Variants in MTUS2 observed in about 807,000 individuals in gnomAD.
MTUS2 encodes the protein microtubule associated scaffold protein 2.
MTUS2 carries 40 observed loss-of-function variants against 114.1 expected under a neutral mutation model. That is an observed-to-expected ratio of 0.35 (90% CI 0.27 to 0.46). The LOEUF (loss-of-function observed/expected upper bound fraction) is 0.46, where lower values mean the gene tolerates loss of function less well. MTUS2 is among the 20% of genes least tolerant of loss of function. MTUS2 has a pLI of 1.00. For missense variants in MTUS2, 1,679 were observed against 1,705.4 expected, an observed-to-expected ratio of 0.98 and a Z score of 0.27; for synonymous variants, 688 against 672.0, an observed-to-expected ratio of 1.02 and a Z score of -0.37.
chr13:29,502,977 C>T lies in MTUS2; in HGVS notation c.3897-16C>T. 1 of 1,612,564 alleles carries T rather than the reference C, an allele frequency of 6.2e-7. No homozygotes were observed. Among genetic ancestry groups the T allele is most frequent in the African/African-American group, 1.3e-5 (1 of 75,036 alleles). On this transcript the variant is annotated splice_polypyrimidine_tract_variant and intron_variant, in intron 15 of 15. Transcript: ENST00000612955. Reference sequence around the variant, plus strand: ...ACTAGCATGATTGCTACTTATTTGTCATTGTGCCCATGCAGACAGCTGTCG... The same window carrying T: ...ACTAGCATGATTGCTACTTATTTGTTATTGTGCCCATGCAGACAGCTGTCG...
chr13:29,487,853 T>C (rs1158082914), intron 10 of MTUS2, 47 bp from the exon 11 acceptor site: 11 of 1,442,118 alleles, frequency 7.6e-6, no homozygotes, highest in Non-Finnish European at 1.1e-5. Flanking sequence ...CCACTTCTGT[T>C]CTCCAAGCAG....
intron 5 of MTUS2, among the ~76,000 whole-genome samples, chr13:29,113,452 T>C (rs938891262): frequency 3.9e-5 from 6 of 152,252 alleles, no homozygotes; most frequent in African/African-American, 1.2e-4. Context: ...CCTGTCTCTT[T>C]AGATCAGCTG....
intron 9 of MTUS2, among the ~76,000 whole-genome samples, chr13:29,440,993 G>A (rs1246966563): frequency 6.6e-6 from 1 of 152,168 alleles, no homozygotes; most frequent in Admixed American, 6.5e-5. Flanking sequence ...TTGTTAAAAT[G>A]TTTTCTTTTT....
intron 5 of MTUS2, among the ~76,000 whole-genome samples, chr13:29,205,769 A>T (rs1383501648): frequency 6.6e-6 from 1 of 152,256 alleles, no homozygotes; most frequent in African/African-American, 2.4e-5. Flanking sequence ...TTAGCATTCC[A>T]TAGTATGTTT....
intron 5 of MTUS2, among the ~76,000 whole-genome samples, chr13:29,213,826 T>G (rs1404505735): frequency 1.3e-5 from 2 of 152,200 alleles, no homozygotes; most frequent in Non-Finnish European, 2.9e-5. Context: ...TGATTTAATT[T>G]AGTTTAAATC....
At chr13:28,852,203 T>C (rs1876322310) in intron 2 of MTUS2, among the ~76,000 whole-genome samples, 1 of 152,180 alleles carries the variant, frequency 6.6e-6, no homozygotes. Flanking sequence ...CACTATCTGG[T>C]GCCCCTCTGT....
At position 29,199,666 on chromosome 13, in the gene MTUS2, C is replaced by G. The variant is rs149075111; in HGVS notation, c.2645-82038C>G. 7.4e-3 allele frequency among the ~76,000 whole-genome samples: 1,132 copies of G among 151,984 alleles called. 6 individuals carry two copies. The highest frequency in any genetic ancestry group is 0.01 in the Non-Finnish European group (701 of 67,970). On this transcript the variant is annotated intron_variant, in intron 5 of 15. Transcript: ENST00000612955. ...CTGAAATTTTCTTTTTTTGTTGTGT[C>G]TCTGCCAGGTTTTGGTATCAGGATG...
chr13:28,877,348 T>C (rs1878009402), intron 2 of MTUS2, among the ~76,000 whole-genome samples: 2 of 151,440 alleles, frequency 1.3e-5, no homozygotes, highest in South Asian at 4.2e-4. Flanking sequence ...ACAGAACTTA[T>C]TTAAGTAGCC....
chr13:29,258,735 G>A (rs527350280), intron 5 of MTUS2, among the ~76,000 whole-genome samples: 1 of 152,144 alleles, frequency 6.6e-6, no homozygotes, highest in Admixed American at 6.5e-5. Context: ...AAATATTTTA[G>A]GAAACAATTT....
Position 29,026,185 on chromosome 13 carries a change from C to T in MTUS2, c.1487C>T (p.Ala496Val). The change falls in exon 3 of 16, where the codon GCA (alanine) becomes GTA (valine). Residue 496 changes from alanine to valine, a missense_variant. Physicochemically the swap from Ala to Val is moderately conservative, Grantham distance 64 (BLOSUM62 0). Transcript: ENST00000612955. ...GACCCTCAAAGTGGCCGCTCAGAAG[C>T]ACGGGAAAGCAAAGAGGTCACCACA... Reference protein sequence around the residue: ...PLDPQSGRSEARESKEVTTSV... With the variant: ...PLDPQSGRSEVRESKEVTTSV... The T allele has an allele frequency of 1.2e-6, 2 of 1,613,952 alleles. No homozygotes were observed. Among genetic ancestry groups the T allele is most frequent in the Non-Finnish European group, 1.7e-6 (2 of 1,179,890 alleles).
chr13:28,949,124 C>T (rs766128332), intron 2 of MTUS2, among the ~76,000 whole-genome samples: 4 of 152,170 alleles, frequency 2.6e-5, no homozygotes, highest in Non-Finnish European at 5.9e-5. Flanking sequence ...CTTTGTTGCA[C>T]AGAAAGGGAT....
intron 5 of MTUS2, among the ~76,000 whole-genome samples, chr13:29,105,621 T>TA (rs67540838): frequency 1.6e-4 from 24 of 147,358 alleles, no homozygotes; most frequent in African/African-American, 4.5e-4. Context: ...AAAAAACAAG[T>TA]AAAAAAAAAA....
chr13:28,953,969 A>G (rs1003431216), intron 2 of MTUS2, among the ~76,000 whole-genome samples: 3 of 152,250 alleles, frequency 2.0e-5, no homozygotes, highest in African/African-American at 4.8e-5. Flanking sequence ...CTACTATAAT[A>G]AAATCAATGT....
At chr13:29,203,805 G>A (rs1895065221) in intron 5 of MTUS2, among the ~76,000 whole-genome samples, 1 of 152,042 alleles carries the variant, frequency 6.6e-6, no homozygotes, top group African/African-American at 2.4e-5. Flanking sequence ...GCACTTCTCA[G>A]GTGAGGCAGC....
chr13:29,392,306 C>T (rs1873565125), intron 8 of MTUS2, among the ~76,000 whole-genome samples: 1 of 152,150 alleles, frequency 6.6e-6, no homozygotes, highest in African/African-American at 2.4e-5. Context: ...CTGGATTCCT[C>T]ATAGAAGTGG....
At chr13:29,494,138 GACAGTA>G (rs1479883087) in intron 12 of MTUS2, among the ~76,000 whole-genome samples, 3 of 152,352 alleles carry the variant, frequency 2.0e-5, no homozygotes, top group African/African-American at 7.2e-5. Flanking sequence ...TAAGGATGAT[GACAGTA>G]TCTTTCTCAA....
chr13:29,128,723 T>C (rs144946928), intron 5 of MTUS2, among the ~76,000 whole-genome samples: 8 of 152,296 alleles, frequency 5.3e-5, no homozygotes, highest in East Asian at 3.9e-4. Flanking sequence ...ATGCTAGCCA[T>C]GTGTCACTCA....
intron 9 of MTUS2, chr13:29,476,939 C>T (rs1880747597): frequency 6.6e-6 from 1 of 152,172 alleles, no homozygotes. Flanking sequence ...TCTTGGTAAA[C>T]CTAAATACAA....
chr13:29,385,670 G>C (rs1872585617), intron 8 of MTUS2, among the ~76,000 whole-genome samples: 1 of 152,048 alleles, frequency 6.6e-6, no homozygotes, highest in South Asian at 2.1e-4. Context: ...TTTTTCCCCA[G>C]CTTGGGGACA....
Sources: gnomAD v4.1 joint callset for allele counts (sites outside exome capture counted in the v4.1 genomes callset) on GRCh38, gnomAD v4.1.1 for gene constraint, MANE v1.5 for transcripts, NCBI Gene and HGNC (gene_info 2026-07-23, HGNC 2026-07-21) for gene names.